CC2D2B: variants seen among roughly 807,000 people sequenced by gnomAD.
CC2D2B encodes coiled-coil and C2 domain containing 2B, also known as protein CC2D2B.
In CC2D2B, 128 loss-of-function variants were observed where a neutral mutation model predicts 161.2. That is an observed-to-expected ratio of 0.79 (90% confidence interval 0.69 to 0.92). The LOEUF is 0.92. Among genes scored for constraint, CC2D2B ranks in the 40% least tolerant of loss-of-function variants. The pLI is 0.00. For missense variants in CC2D2B, 1,173 were observed against 1,375.1 expected, an observed-to-expected ratio of 0.85 and a Z score of 2.32; for synonymous variants, 391 against 449.8, an observed-to-expected ratio of 0.87 and a Z score of 1.65.
At chr10:95,991,580 T>A in intron 21 of CC2D2B, 119 bp downstream of exon 21, 1 of 346,670 alleles carries the variant, frequency 2.9e-6, no homozygotes, top group Non-Finnish European at 5.1e-6. Flanking sequence ...CGGTTTCAGA[T>A]CATAACATGA....
chr10:96,019,049 C>G (rs561945916), intron 30 of CC2D2B, 154 bp from the exon 31 acceptor site: 1 of 566,516 alleles, frequency 1.8e-6, no homozygotes, highest in Non-Finnish European at 3.0e-6. Context: ...TCAAGTGATC[C>G]TCCCACCTCA....
chr10:95,946,446 A>G (rs182438050), intron 9 of CC2D2B, among the ~76,000 whole-genome samples: 175 of 152,312 alleles, frequency 1.1e-3, no homozygotes, highest in Non-Finnish European at 2.3e-3. Context: ...TTAACAAGAC[A>G]GGATTCTCTA....
chr10:96,012,226 C>T lies in CC2D2B; in HGVS notation c.3087C>T (p.Leu1029=), dbSNP rs779828398. ...TFQVTIPPVL[L]GYTWSNTYVF... is the part of the protein sequence containing the mutation. Reference sequence around the variant, plus strand: ...AAGTAACTATTCCACCAGTTTTGCTCGGGTATACTTGGAGTAATACTTATG... The same window carrying T: ...AAGTAACTATTCCACCAGTTTTGCTTGGGTATACTTGGAGTAATACTTATG... Residue 1029 remains leucine, a synonymous_variant, in exon 27 of 35, where the codon CTC becomes CTT. Coordinates refer to ENST00000646931, the MANE Select transcript of CC2D2B (RefSeq NM_001349008.3). 7 of 701,106 alleles carry T rather than the reference C, an allele frequency of 1.0e-5. No individual in the cohort carries two copies. The highest frequency in any genetic ancestry group is 4.7e-5 in the South Asian group (3 of 63,650). 43.4% of individuals were successfully genotyped at this position (701,106 alleles called of 1,614,324 possible).
chr10:96,002,442 A>G (rs1425434372), intron 24 of CC2D2B, among the ~76,000 whole-genome samples: 1 of 152,186 alleles, frequency 6.6e-6, no homozygotes, highest in Non-Finnish European at 1.5e-5. Flanking sequence ...AATTATGGTA[A>G]CATCTGAAGA....
chr10:96,030,962 C>T (rs1296269244), intron 34 of CC2D2B, among the ~76,000 whole-genome samples: 1 of 152,192 alleles, frequency 6.6e-6, no homozygotes, highest in African/African-American at 2.4e-5. Flanking sequence ...TCTATACCCT[C>T]TACTCCATTA....
chr10:96,025,487 A>G (rs912449912), intron 33 of CC2D2B, among the ~76,000 whole-genome samples: 3 of 152,008 alleles, frequency 2.0e-5, no homozygotes, highest in Admixed American at 2.0e-4. Flanking sequence ...CTCTGGAAAC[A>G]TTGTGGGCCA....
chr10:95,919,145 A>C (rs908329855), intron 2 of CC2D2B: 3 of 152,134 alleles, frequency 2.0e-5, no homozygotes, highest in African/African-American at 4.8e-5. Context: ...TATTTGGAGA[A>C]GTCATGTTTT....
chr10:95,945,867 C>T (rs11188534), intron 9 of CC2D2B, among the ~76,000 whole-genome samples: 40,096 of 150,012 alleles, frequency 0.27, 6,290 homozygotes, highest in Admixed American at 0.36. Flanking sequence ...TCACTGCAAC[C>T]TCTGCCTCCC....
chr10:95,914,658 C>G (rs1213105476), intron 2 of CC2D2B, among the ~76,000 whole-genome samples: 1 of 152,214 alleles, frequency 6.6e-6, no homozygotes, highest in African/African-American at 2.4e-5. Context: ...CTTGCACTCA[C>G]TCTGTCCTGC....
At position 96,024,893 on chromosome 10, in the gene CC2D2B, TAGA is replaced by T; in HGVS notation, c.3933_3935del (p.Glu1311del). ...TATTTTGAAACTGATAAAAGCATGGTAGAAGATCTAAGGAATAGGTACTGTGTT... is the reference window on the plus strand; with the variant it reads ...TATTTTGAAACTGATAAAAGCATGGTAGATCTAAGGAATAGGTACTGTGTT... On this transcript the variant is annotated inframe_deletion, in exon 33 of 35. Coordinates refer to ENST00000646931, the MANE Select transcript of CC2D2B (RefSeq NM_001349008.3). The T allele has an allele frequency of 6.5e-7, 1 of 1,532,296 alleles. No individual in the cohort carries two copies. 94.9% of individuals were successfully genotyped at this position (1,532,296 alleles called of 1,614,324 possible). A position where few individuals can be genotyped will look rare whatever the true frequency, so the allele number is the denominator to read the frequency against.
intron 2 of CC2D2B, chr10:95,919,800 G>A (rs2098523208): frequency 6.6e-6 from 1 of 151,860 alleles, no homozygotes; most frequent in Non-Finnish European, 1.5e-5. Context: ...GAAGTGCGAG[G>A]GCCTGGGGTC....
intron 9 of CC2D2B, among the ~76,000 whole-genome samples, chr10:95,943,593 C>A (rs976779940): frequency 4.6e-5 from 7 of 152,056 alleles, no homozygotes; most frequent in African/African-American, 1.7e-4. Flanking sequence ...ACATTTAATT[C>A]TTCTGTAAAT....
chr10:95,929,248 G>T (rs2098545204), intron 6 of CC2D2B, among the ~76,000 whole-genome samples: 1 of 151,376 alleles, frequency 6.6e-6, no homozygotes, highest in Non-Finnish European at 1.5e-5. Context: ...TGATGGGGTT[G>T]TTTTTTCTTG....
At chr10:95,958,067 AC>A (rs1253671642) in intron 11 of CC2D2B, among the ~76,000 whole-genome samples, 1 of 151,584 alleles carries the variant, frequency 6.6e-6, no homozygotes, top group Non-Finnish European at 1.5e-5. Context: ...AAAAAAAAAA[AC>A]CTACTAGATA....
rs985296816 is a variant in CC2D2B at position 96,025,485 on chromosome 10, A to G, written c.3947+574A>G. Among the ~76,000 whole-genome samples, 7 of 152,186 alleles carry G rather than the reference A, an allele frequency of 4.6e-5. 1 individual carries two copies. The East Asian group carries it at 1.4e-3, about 29-fold the overall frequency. On this transcript the variant is annotated intron_variant, in intron 33 of 34. Transcript: ENST00000646931. ...AGGACAGACTAAGTTAACTCTGGAAACATTGTGGGCCACCACTGGAAAGTT... is the reference window on the plus strand; with the variant it reads ...AGGACAGACTAAGTTAACTCTGGAAGCATTGTGGGCCACCACTGGAAAGTT...
At chr10:95,977,077 A>G (rs1042296905) in intron 17 of CC2D2B, among the ~76,000 whole-genome samples, 2 of 146,096 alleles carry the variant, frequency 1.4e-5, no homozygotes, top group Non-Finnish European at 3.0e-5. Context: ...TACCACATTA[A>G]ACACACCTCT....
At chr10:96,028,677 A>G (rs1413610414) in intron 34 of CC2D2B, among the ~76,000 whole-genome samples, 1 of 152,184 alleles carries the variant, frequency 6.6e-6, no homozygotes, top group Non-Finnish European at 1.5e-5. Flanking sequence ...CTGCACTCCC[A>G]TGTTTGTTGC....
intron 20 of CC2D2B, 141 bp from the exon 21 acceptor site, chr10:95,991,229 T>A: frequency 3.0e-6 from 1 of 335,380 alleles, no homozygotes; most frequent in Middle Eastern, 6.8e-4. Context: ...AACAGAAGAG[T>A]ATTTTCACTT....
At chr10:95,991,248 T>G in intron 20 of CC2D2B, 122 bp from the exon 21 acceptor site, 1 of 347,886 alleles carries the variant, frequency 2.9e-6, no homozygotes, top group Non-Finnish European at 5.2e-6. Flanking sequence ...TTGTCTAATC[T>G]CCTACTCCAT....
Sources: gnomAD v4.1 joint callset for allele counts (sites outside exome capture counted in the v4.1 genomes callset) on GRCh38, gnomAD v4.1.1 for gene constraint, MANE v1.5 for transcripts, NCBI Gene and HGNC (gene_info 2026-07-23, HGNC 2026-07-21) for gene names.